LDHAL6A: variants seen among roughly 807,000 people sequenced by gnomAD.
The protein encoded by LDHAL6A is lactate dehydrogenase A like 6A.
In LDHAL6A, 19 loss-of-function variants were observed where a neutral mutation model predicts 28.2. That is an observed-to-expected ratio of 0.67 (90% CI 0.47 to 0.99). LDHAL6A has a LOEUF of 0.99. Ranked by LOEUF, LDHAL6A falls within the 50% of genes least tolerant of loss-of-function variation. LDHAL6A has a pLI of 0.00. For missense variants in LDHAL6A, 372 were observed against 398.6 expected (o/e 0.93, Z 0.57); for synonymous variants, 144 against 134.4 (o/e 1.07, Z -0.49).
intron 3 of LDHAL6A, among the ~76,000 whole-genome samples, chr11:18,474,233 C>G (rs1395741648): frequency 6.6e-6 from 1 of 151,720 alleles, no homozygotes. Flanking sequence ...TGTCCACCAC[C>G]ACGCCTGGCT....
rs1284230428 is a variant in LDHAL6A, at chr11:18,467,938, CACACACAT to C, written c.418+2130_418+2137del. On this transcript the variant is annotated intron_variant, in intron 3 of 6. Transcript: ENST00000280706. Reference sequence around the variant, plus strand: ...ATATATACACACACATATATATATACACACACATATATATATACGTATATATATACGTA... The same window carrying C: ...ATATATACACACACATATATATATACATATATATACGTATATATATACGTA... Among the ~76,000 whole-genome samples the C allele has an allele frequency of 4.5e-4, 15 of 33,012 alleles. 1 individual carries two copies. In the East Asian group the frequency reaches 5.8e-3, roughly 13 times the overall value. 21.7% of individuals were successfully genotyped at this position (33,012 alleles called of 152,430 possible).
At chr11:18,468,025 G>GTATATATATATACATATA (rs1297279568) in intron 3 of LDHAL6A, among the ~76,000 whole-genome samples, 1 of 55,026 alleles carries the variant, frequency 1.8e-5, no homozygotes, top group African/African-American at 1.1e-4. Flanking sequence ...ATATATATAC[G>GTATATATATATACATATA]TATATATATA....
intron 3 of LDHAL6A, among the ~76,000 whole-genome samples, chr11:18,472,526 TC>T (rs1454851641): frequency 7.9e-5 from 12 of 152,266 alleles, no homozygotes; most frequent in African/African-American, 2.9e-4. Context: ...AGTACTTAAA[TC>T]TGCCATAAAA....
chr11:18,465,001 T>TTTTTTTTTTTTTTTTTTTTTG lies in LDHAL6A; in HGVS notation c.245-636_245-635insTTTTTTTTTTTTTTTTTTTTG, dbSNP rs1849025165. ...TGTTTTTTTTTGTTTTGTTTTGTTT[T>TTTTTTTTTTTTTTTTTTTTTG]GGTTTGTTTTTGAGACAGTGTCTTG... On this transcript the variant is annotated intron_variant, in intron 2 of 6. Transcript: ENST00000280706. Among the ~76,000 whole-genome samples, 44 of 144,478 alleles carry TTTTTTTTTTTTTTTTTTTTTG rather than the reference T, an allele frequency of 3.0e-4. 1 individual carries two copies. The highest frequency in any genetic ancestry group is 1.1e-3 in the African/African-American group (41 of 37,104). 94.8% of individuals were successfully genotyped at this position (144,478 alleles called of 152,430 possible). A position where few individuals can be genotyped will look rare whatever the true frequency, so the allele number is the denominator to read the frequency against.
At chr11:18,471,416 C>T (rs1849255240) in intron 3 of LDHAL6A, among the ~76,000 whole-genome samples, 1 of 151,480 alleles carries the variant, frequency 6.6e-6, no homozygotes, top group South Asian at 2.1e-4. Context: ...TGCCATGTTG[C>T]CCAGGCTGGT....
In LDHAL6A at chr11:18,456,595, AC is replaced by A; in HGVS notation, c.-84del. ...CCAGGAGTTCTCTATACGCGCTCTC[AC>A]CGCAGGTCTTGGAATTCCAAGCCAT... On this transcript the variant is annotated 5_prime_UTR_variant, in exon 1 of 7. It introduces an in-frame stop codon into an upstream open reading frame of the 5' UTR. Transcript: ENST00000280706. The A allele has an allele frequency of 7.7e-7, 1 of 1,291,264 alleles. No individual in the cohort carries two copies. 80.0% of individuals were successfully genotyped at this position (1,291,264 alleles called of 1,614,324 possible).
intron 6 of LDHAL6A, 59 bp downstream of exon 6, chr11:18,477,802 A>T: frequency 6.7e-7 from 1 of 1,501,350 alleles, no homozygotes; most frequent in Non-Finnish European, 9.0e-7. Context: ...GGTAAAGAAC[A>T]TTTTTGAGGC....
Position 18,473,390 on chromosome 11 carries a change from TAGACAGAC to T in LDHAL6A, c.419-2056_419-2049del, listed in dbSNP as rs34670581. 6.2e-4 allele frequency among the ~76,000 whole-genome samples: 94 copies of T among 151,748 alleles called. 1 individual carries two copies. The highest frequency in any genetic ancestry group is 8.3e-4 in the South Asian group (4 of 4,820). On this transcript the variant is annotated intron_variant, in intron 3 of 6. Transcript: ENST00000280706. ...TAATTGATAGATGAAGGTAGGTAGG[TAGACAGAC>T]AGACAGACAGACAGACAGATAGATA... is the stretch of plus-strand genomic sequence containing the variant.
rs150665531 is a variant in LDHAL6A at position 18,471,076 on chromosome 11, T to C, written c.419-4390T>C. On this transcript the variant is annotated intron_variant, in intron 3 of 6. Coordinates refer to ENST00000280706, the MANE Select transcript of LDHAL6A (RefSeq NM_144972.5). ...TATATATGATATTTTATTATGCTGA[T>C]ATGAATGTGAAATTTTAAAAATTAA... Among the ~76,000 whole-genome samples the C allele has an allele frequency of 2.9e-4, 44 of 152,322 alleles. No homozygotes were observed. The East Asian group carries it at 8.1e-3, about 28-fold the overall frequency.
chr11:18,455,891 CCAAGCATCACACCT>C lies in LDHAL6A; in HGVS notation c.-789_-776del, dbSNP rs1380598149. The C allele has an allele frequency of 2.9e-5, 3 of 104,256 alleles. No individual in the cohort carries two copies. The highest frequency in any genetic ancestry group is 1.6e-4 in the African/African-American group (3 of 18,772). 6.5% of individuals were successfully genotyped at this position (104,256 alleles called of 1,614,324 possible). A position where few individuals can be genotyped will look rare whatever the true frequency, so the allele number is the denominator to read the frequency against. ...TCACACCTGCCAAGCATCACACCTG[CCAAGCATCACACCT>C]GCCAAGCATCACACCTGCCAAGCAT... On this transcript the variant is annotated 5_prime_UTR_variant, in exon 1 of 7. Transcript: ENST00000280706.
At chr11:18,465,441 T>TTTA (rs946728077) in intron 2 of LDHAL6A, among the ~76,000 whole-genome samples, 196 bp from the exon 3 acceptor site, 1 of 150,208 alleles carries the variant, frequency 6.7e-6, no homozygotes, top group Admixed American at 6.6e-5. Flanking sequence ...TTTTTTTTTT[T>TTTA]TTATTATTAA....
rs1848738282 is a variant in LDHAL6A at position 18,455,871 on chromosome 11, CCT to C, written c.-809_-808del. ...TTCGCAGCCCGCTTCCGGCCTCACA[CCT>C]GCCAAGCATCACACCTGCCAAGCAT... On this transcript the variant is annotated 5_prime_UTR_variant, in exon 1 of 7. Transcript: ENST00000280706. 6.1e-4 allele frequency: 2 copies of C among 3,284 alleles called. No homozygotes were observed. The highest frequency in any genetic ancestry group is 1.2e-3 in the Non-Finnish European group (2 of 1,608). 0.2% of individuals were successfully genotyped at this position (3,284 alleles called of 1,614,324 possible).
chr11:18,478,006 T>C (rs1849433257), intron 6 of LDHAL6A, among the ~76,000 whole-genome samples: 1 of 152,224 alleles, frequency 6.6e-6, no homozygotes, highest in Non-Finnish European at 1.5e-5. Context: ...GAACTGATTC[T>C]ACCAGTATCT....
Position 18,465,641 on chromosome 11 carries a change from C to G in LDHAL6A, c.249C>G (p.Tyr83Ter). The change falls in exon 3 of 7, where the codon TAC becomes TAG. Residue 83 changes from tyrosine (Y) to a stop codon, truncating the protein, a stop_gained. Transcript: ENST00000280706. LOFTEE classifies it high-confidence loss of function. ...KMPNIVSSKD[Y>*]LVTANSNLVI... Reference sequence around the variant, plus strand: ...TTTATTCTAATCTTTCCTCAGATTACCTGGTCACTGCAAACTCCAATCTAG... The same window carrying G: ...TTTATTCTAATCTTTCCTCAGATTAGCTGGTCACTGCAAACTCCAATCTAG... The G allele has an allele frequency of 6.2e-7, 1 of 1,611,350 alleles. No homozygotes were observed. The highest frequency in any genetic ancestry group is 8.5e-7 in the Non-Finnish European group (1 of 1,178,884).
intron 3 of LDHAL6A, chr11:18,469,201 C>T (rs1471703519): frequency 7.8e-6 from 5 of 637,930 alleles, no homozygotes; most frequent in Admixed American, 5.5e-5. Flanking sequence ...TTTCTCTAAC[C>T]GTTCAGGGCA....
At chr11:18,460,081 A>G (rs1187838860) in intron 1 of LDHAL6A, among the ~76,000 whole-genome samples, 1 of 152,222 alleles carries the variant, frequency 6.6e-6, no homozygotes, top group East Asian at 1.9e-4. Flanking sequence ...TCAGTTGTAC[A>G]GTCTAGTTTA....
intron 3 of LDHAL6A, among the ~76,000 whole-genome samples, chr11:18,473,834 GTTTTCTTCATAATGTAT>G (rs1392439621): frequency 2.6e-5 from 4 of 152,174 alleles, no homozygotes; most frequent in African/African-American, 9.7e-5. Context: ...AGGCTTCTAA[GTTTTCTTCATAATGTAT>G]GTTTGCTTTG....
At position 18,475,566 on chromosome 11, in the gene LDHAL6A, T is replaced by C; in HGVS notation, c.519T>C (p.Phe173=). The change falls in exon 4 of 7, where the codon TTT becomes TTC. Residue 173 remains phenylalanine, a synonymous_variant. Transcript: ENST00000280706. ...CNLDSARFRY[F]IGQRLGIHSE... ...TGGACTCTGCTCGTTTTCGTTACTTTATTGGGCAAAGGCTTGGCATCCACT... is the reference window on the plus strand; with the variant it reads ...TGGACTCTGCTCGTTTTCGTTACTTCATTGGGCAAAGGCTTGGCATCCACT... The C allele has an allele frequency of 6.2e-7, 1 of 1,614,166 alleles. No individual in the cohort carries two copies. The highest frequency in any genetic ancestry group is 8.5e-7 in the Non-Finnish European group (1 of 1,180,022).
intron 3 of LDHAL6A, among the ~76,000 whole-genome samples, chr11:18,468,047 ACG>A (rs1491360275): frequency 0.012 from 132 of 11,422 alleles, 7 homozygotes; most frequent in African/African-American, 0.018. Flanking sequence ...ACATATATAT[ACG>A]TATATATATA....
Sources: gnomAD v4.1 joint callset for allele counts (sites outside exome capture counted in the v4.1 genomes callset) on GRCh38, gnomAD v4.1.1 for gene constraint, MANE v1.5 for transcripts, NCBI Gene and HGNC (gene_info 2026-07-23, HGNC 2026-07-21) for gene names.